Variants in IL6R observed in about 807,000 individuals in gnomAD.
The protein encoded by IL6R is interleukin 6 receptor.
Under a neutral mutation model 48.3 loss-of-function variants are expected in IL6R, and 38 were observed. That is an observed-to-expected ratio of 0.79 (90% CI 0.61 to 1.03). IL6R has a LOEUF of 1.03. IL6R is among the 50% of genes least tolerant of loss of function. IL6R has a pLI of 0.00. For missense variants in IL6R, 534 were observed against 618.3 expected, an observed-to-expected ratio of 0.86 and a Z score of 1.45; for synonymous variants, 264 against 256.2, an observed-to-expected ratio of 1.03 and a Z score of -0.29.
intron 6 of IL6R, among the ~76,000 whole-genome samples, chr1:154,444,847 G>C (rs773501042): frequency 6.6e-5 from 10 of 152,164 alleles, no homozygotes; most frequent in Non-Finnish European, 1.5e-4. Context: ...AGGCTGCAAT[G>C]AGCTATGATT....
At chr1:154,442,251 A>G (rs958295869) in intron 6 of IL6R, among the ~76,000 whole-genome samples, 2 of 152,232 alleles carry the variant, frequency 1.3e-5, no homozygotes, top group Non-Finnish European at 2.9e-5. Context: ...TAAGGCCGTA[A>G]GCAGACTGTT....
intron 1 of IL6R, among the ~76,000 whole-genome samples, chr1:154,425,914 T>C (rs557844857): frequency 2.6e-5 from 4 of 151,874 alleles, no homozygotes; most frequent in Admixed American, 2.0e-4. Context: ...AACTTGTCTC[T>C]AGTAAAAATT....
intron 1 of IL6R, among the ~76,000 whole-genome samples, chr1:154,421,333 A>G (rs560997743): frequency 6.6e-6 from 1 of 152,312 alleles, no homozygotes; most frequent in Non-Finnish European, 1.5e-5. Flanking sequence ...GGCTTGGCTC[A>G]TGCCTGCCAA....
rs1346675900 is a variant in IL6R at position 154,467,711 on chromosome 1, G to A, written c.*2331G>A. The A allele has an allele frequency of 2.0e-5, 3 of 152,070 alleles. No individual in the cohort carries two copies. Among genetic ancestry groups the A allele is most frequent in the African/African-American group, 7.3e-5 (3 of 41,378 alleles). The allele number at this position is 152,070 out of a possible 1,614,324, so 9.4% of individuals were successfully genotyped here. On this transcript the variant is annotated 3_prime_UTR_variant, in exon 10 of 10. Coordinates refer to ENST00000368485, the MANE Select transcript of IL6R (RefSeq NM_000565.4). ...AGCTCAGGAGTTTGAGACCAACCTG[G>A]GTAACATAGTGAGACACCATCTCTA... is the stretch of plus-strand genomic sequence containing the variant.
chr1:154,428,843 A>G (rs1441418409), intron 1 of IL6R, among the ~76,000 whole-genome samples: 3 of 152,142 alleles, frequency 2.0e-5, no homozygotes, highest in Non-Finnish European at 4.4e-5. Context: ...GGAGGGCTCC[A>G]CACCTTCTAA....
At chr1:154,441,703 G>A (rs1036498346) in intron 6 of IL6R, among the ~76,000 whole-genome samples, 15 of 152,118 alleles carry the variant, frequency 9.9e-5, no homozygotes, top group African/African-American at 2.9e-4. Flanking sequence ...CTGTATCACC[G>A]TGTGGGGTGA....
At position 154,467,867 on chromosome 1, in the gene IL6R, G is replaced by A. The variant is rs537388639; in HGVS notation, c.*2487G>A. 18 of 152,312 alleles carry A rather than the reference G, an allele frequency of 1.2e-4. No individual in the cohort carries two copies. Among genetic ancestry groups the A allele is most frequent in the Admixed American group, 1.2e-3 (18 of 15,298 alleles). 9.4% of individuals were successfully genotyped at this position (152,312 alleles called of 1,614,324 possible). On this transcript the variant is annotated 3_prime_UTR_variant, in exon 10 of 10. Transcript: ENST00000368485. Reference sequence around the variant, plus strand: ...TGTTAAAGGGAAATATTAAGAATGAGAATCTGCAGTAAGGGTGATTCTGTG... The same window carrying A: ...TGTTAAAGGGAAATATTAAGAATGAAAATCTGCAGTAAGGGTGATTCTGTG...
intron 1 of IL6R, among the ~76,000 whole-genome samples, chr1:154,421,135 T>G (rs1187340945): frequency 2.0e-5 from 3 of 152,174 alleles, no homozygotes; most frequent in African/African-American, 7.2e-5. Flanking sequence ...TGGGTGCTCT[T>G]CCTCCCTCCT....
intron 1 of IL6R, among the ~76,000 whole-genome samples, chr1:154,417,590 CT>C (rs1178436395): frequency 6.6e-6 from 1 of 152,042 alleles, no homozygotes; most frequent in Non-Finnish European, 1.5e-5. Context: ...GATATCCTTT[CT>C]TTTTTTGAGA....
chr1:154,431,852 G>A (rs1196991169), intron 3 of IL6R, among the ~76,000 whole-genome samples: 7 of 152,216 alleles, frequency 4.6e-5, no homozygotes, highest in African/African-American at 1.7e-4. Context: ...GATGATTCAT[G>A]TCCTGGGCGG....
chr1:154,461,001 G>A (rs545962627), intron 9 of IL6R, among the ~76,000 whole-genome samples: 1 of 152,292 alleles, frequency 6.6e-6, no homozygotes, highest in Non-Finnish European at 1.5e-5. Context: ...AGGAGGCAGG[G>A]TAAGGAAGGT....
Position 154,434,565 on chromosome 1 carries a change from C to T in IL6R, c.505C>T (p.Gln169Ter). Reference protein sequence around the residue: ...EDFQEPCQYSQESQKFSCQLA... With the variant: ...EDFQEPCQYS ...CTTCCAGGAGCCGTGCCAGTATTCC[C>T]AGGAGTCCCAGAAGTTCTCCTGCCA... The change falls in exon 4 of 10, where the codon CAG (glutamine) becomes TAG (stop). Residue 169 changes from glutamine (Q) to a stop codon, truncating the protein, a stop_gained. Coordinates refer to ENST00000368485, the MANE Select transcript of IL6R (RefSeq NM_000565.4). LOFTEE classifies it high-confidence loss of function. 1 of 1,614,046 alleles carries T rather than the reference C, an allele frequency of 6.2e-7. No individual in the cohort carries two copies. Among genetic ancestry groups the T allele is most frequent in the Non-Finnish European group, 8.5e-7 (1 of 1,180,006 alleles).
chr1:154,434,879 T>C (rs2149244240), intron 4 of IL6R, 111 bp from the exon 5 acceptor site: 3 of 1,262,350 alleles, frequency 2.4e-6, no homozygotes, highest in South Asian at 2.8e-5. Context: ...GAGCTGTGCA[T>C]GGGGAGTGAA....
Position 154,449,898 on chromosome 1 carries a change from A to G in IL6R, c.997-13A>G. Reference sequence around the variant, plus strand: ...TGCAGAAACAGGCTGATGGTGAGGAATGTCTCTTTTAGGCACTTACTACTA... The same window carrying G: ...TGCAGAAACAGGCTGATGGTGAGGAGTGTCTCTTTTAGGCACTTACTACTA... On this transcript the variant is annotated splice_polypyrimidine_tract_variant and intron_variant, in intron 7 of 9. Transcript: ENST00000368485. The G allele has an allele frequency of 6.4e-7, 1 of 1,572,470 alleles. No homozygotes were observed. Among genetic ancestry groups the G allele is most frequent in the Non-Finnish European group, 8.8e-7 (1 of 1,142,054 alleles).
intron 8 of IL6R, 177 bp from the exon 9 acceptor site, chr1:154,454,311 G>A: frequency 1.7e-6 from 1 of 602,782 alleles, no homozygotes; most frequent in Non-Finnish European, 2.9e-6. Context: ...AAACAGTTAA[G>A]CTTGTCAAAT....
chr1:154,469,114 T>C lies in IL6R; in HGVS notation c.*3734T>C, dbSNP rs1034253650. 1 of 152,212 alleles carries C rather than the reference T, an allele frequency of 6.6e-6. No individual in the cohort carries two copies. The highest frequency in any genetic ancestry group is 1.5e-5 in the Non-Finnish European group (1 of 68,040). 9.4% of individuals were successfully genotyped at this position (152,212 alleles called of 1,614,324 possible). On this transcript the variant is annotated 3_prime_UTR_variant, in exon 10 of 10. Coordinates refer to ENST00000368485, the MANE Select transcript of IL6R (RefSeq NM_000565.4). ...AACCTTAGTGATTATTAAGGAACAC[T>C]GTCAGTTTTATGAACATATGCTCAA...
chr1:154,420,766 C>T (rs1688617204), intron 1 of IL6R, among the ~76,000 whole-genome samples: 1 of 151,960 alleles, frequency 6.6e-6, no homozygotes. Flanking sequence ...GAACTCCTGA[C>T]CTCAAGTGAT....
At chr1:154,443,427 C>G (rs1690042322) in intron 6 of IL6R, among the ~76,000 whole-genome samples, 2 of 152,210 alleles carry the variant, frequency 1.3e-5, no homozygotes, top group Non-Finnish European at 2.9e-5. Context: ...CATATGGCAT[C>G]CCTGAATTCC....
At chr1:154,464,176 CAG>C (rs1691417838) in intron 9 of IL6R, among the ~76,000 whole-genome samples, 2 of 145,466 alleles carry the variant, frequency 1.4e-5, no homozygotes, top group Admixed American at 7.1e-5. Context: ...ATTTTTGAGA[CAG>C]AGTTTCACTC....
Sources: gnomAD v4.1 joint callset for allele counts (sites outside exome capture counted in the v4.1 genomes callset) on GRCh38, gnomAD v4.1.1 for gene constraint, MANE v1.5 for transcripts, NCBI Gene and HGNC (gene_info 2026-07-23, HGNC 2026-07-21) for gene names.